The following TIAM2 variants were observed in gnomAD, a reference collection of about 807,000 sequenced individuals.
TIAM2 encodes the protein rho guanine nucleotide exchange factor TIAM2.
In TIAM2, 80 loss-of-function variants were observed where a neutral mutation model predicts 152.9. The observed-to-expected ratio is 0.52, with a 90% CI of 0.44 to 0.63. The LOEUF (loss-of-function observed/expected upper bound fraction) is 0.63. Ranked by LOEUF, TIAM2 falls within the 30% of genes least tolerant of loss-of-function variation. The pLI, the probability that TIAM2 is intolerant of heterozygous loss-of-function variation, is 0.00. For synonymous variants in TIAM2, 804 were observed against 838.0 expected (o/e 0.96, Z 0.70); for missense variants, 1,965 against 2,120.1 (o/e 0.93, Z 1.44).
rs1311798786 is a variant in TIAM2 at position 155,028,898 on chromosome 6, ACTATC to A, written c.-209+33407_-209+33411del. Among the ~76,000 whole-genome samples the A allele has an allele frequency of 1.2e-3, 129 of 108,758 alleles. 27 individuals carry two copies. Among genetic ancestry groups the A allele is most frequent in the African/African-American group, 3.9e-3 (104 of 26,594 alleles). 71.3% of individuals were successfully genotyped at this position (108,758 alleles called of 152,430 possible). A position where few individuals can be genotyped will look rare whatever the true frequency, so the allele number is the denominator to read the frequency against. ...ACTATGTTATATATACACTGTATAT[ACTATC>A]TATACTATGTTATATATACACTGTA... On this transcript the variant is annotated intron_variant, in intron 1 of 26. Transcript: ENST00000682666.
At position 155,252,990 on chromosome 6, in the gene TIAM2, C is replaced by G. The variant is rs185814059; in HGVS notation, c.4162C>G (p.Pro1388Ala). Residue 1388 changes from proline (P) to alanine (A), a missense_variant, in exon 24 of 27, where the codon CCA becomes GCA. Physicochemically the swap from Pro to Ala is conservative, Grantham distance 27. This residue lies in a region of TIAM2 where 935 missense variants were observed against 980.0 expected (regional missense o/e 0.95). Coordinates refer to ENST00000682666, the MANE Select transcript of TIAM2 (RefSeq NM_012454.4). ...RPAHNSTDLD[P>A]FKFRWLIPIS... ...TGCACACAACTCTACTGACTTGGAC[C>G]CATTTAAATTCCGCTGGTTGATCCC... 3.0e-5 allele frequency: 49 copies of G among 1,614,194 alleles called. No individual in the cohort carries two copies. Among genetic ancestry groups the G allele is most frequent in the Non-Finnish European group, 4.0e-5 (47 of 1,180,036 alleles).
chr6:155,240,090 G>A (rs73006791), intron 15 of TIAM2, among the ~76,000 whole-genome samples: 20,808 of 152,238 alleles, frequency 0.14, 1,878 homozygotes, highest in Middle Eastern at 0.29. Flanking sequence ...GAGTCTCTCC[G>A]GGCTGTTCTG....
intron 15 of TIAM2, among the ~76,000 whole-genome samples, chr6:155,229,571 C>T (rs1782376267): frequency 6.6e-6 from 1 of 152,224 alleles, no homozygotes; most frequent in Admixed American, 6.5e-5. Flanking sequence ...ACTCCAGAGC[C>T]TGTGTGCCTA....
intron 1 of TIAM2, among the ~76,000 whole-genome samples, chr6:155,049,393 C>T (rs1777273040): frequency 6.6e-6 from 1 of 152,064 alleles, no homozygotes; most frequent in Admixed American, 6.6e-5. Flanking sequence ...TTTATTGCAG[C>T]CTTAAAATAA....
intron 16 of TIAM2, among the ~76,000 whole-genome samples, chr6:155,242,223 G>C (rs1343087881): frequency 6.6e-6 from 1 of 152,250 alleles, no homozygotes; most frequent in East Asian, 1.9e-4. Context: ...CAGCCTGTGA[G>C]GCATGACTGC....
intron 4 of TIAM2, among the ~76,000 whole-genome samples, chr6:155,136,304 C>T (rs556387573): frequency 9.9e-5 from 15 of 151,574 alleles, no homozygotes; most frequent in East Asian, 3.9e-4. Context: ...GATGGAGTTT[C>T]GCTCTTGTTG....
intron 1 of TIAM2, among the ~76,000 whole-genome samples, chr6:155,038,171 G>A (rs533325183): frequency 8.8e-4 from 134 of 152,306 alleles, no homozygotes; most frequent in African/African-American, 3.1e-3. Flanking sequence ...ATGGTAATAA[G>A]TTTAAGAAAA....
At chr6:155,191,164 C>T (rs1358028785) in intron 14 of TIAM2, among the ~76,000 whole-genome samples, 4 of 152,176 alleles carry the variant, frequency 2.6e-5, no homozygotes, top group African/African-American at 4.8e-5. Context: ...TAAGCTACAT[C>T]GGGCAGTGGT....
At chr6:155,212,053 T>C (rs1238925699) in intron 15 of TIAM2, among the ~76,000 whole-genome samples, 3 of 152,350 alleles carry the variant, frequency 2.0e-5, no homozygotes, top group Admixed American at 1.3e-4. Flanking sequence ...ACTTTCATTC[T>C]TTTTTATGGC....
chr6:155,103,645 AC>A, intron 2 of TIAM2, among the ~76,000 whole-genome samples: 1 of 142,948 alleles, frequency 7.0e-6, no homozygotes, highest in South Asian at 2.2e-4. Flanking sequence ...AATCACTTGA[AC>A]CCAGGAGGCG....
intron 15 of TIAM2, among the ~76,000 whole-genome samples, chr6:155,240,002 C>T (rs1562367277): frequency 6.6e-6 from 1 of 152,238 alleles, no homozygotes; most frequent in African/African-American, 2.4e-5. Context: ...TGGAGCTGAG[C>T]GGTTAGACTG....
rs149097648 is a variant in TIAM2 at position 155,246,246 on chromosome 6, T to C, written c.3652+515T>C. 2.9e-3 allele frequency among the ~76,000 whole-genome samples: 449 copies of C among 152,220 alleles called. 3 individuals carry two copies. Among genetic ancestry groups the C allele is most frequent in the African/African-American group, 1.0e-2 (414 of 41,546 alleles). ...TCTCTGCGTGGGCCTGGAGGGCATC[T>C]GGAGGTTTATCCTGACGCCCTTAGT... On this transcript the variant is annotated intron_variant, in intron 19 of 26. Transcript: ENST00000682666.
At chr6:155,141,334 A>C (rs1315496825) in intron 5 of TIAM2, among the ~76,000 whole-genome samples, 1 of 152,152 alleles carries the variant, frequency 6.6e-6, no homozygotes, top group Non-Finnish European at 1.5e-5. Flanking sequence ...CTTAGAATCC[A>C]AGTTGTAATG....
At chr6:155,132,377 T>TA (rs1779468414) in intron 4 of TIAM2, among the ~76,000 whole-genome samples, 1 of 151,716 alleles carries the variant, frequency 6.6e-6, no homozygotes, top group Admixed American at 6.6e-5. Flanking sequence ...CTGATGTATA[T>TA]AGCGTGTCTG....
chr6:155,061,768 C>T (rs921182188), intron 1 of TIAM2, among the ~76,000 whole-genome samples: 2 of 152,170 alleles, frequency 1.3e-5, no homozygotes, highest in Non-Finnish European at 2.9e-5. Context: ...GCCATGCTGA[C>T]AGTTTGCGTT....
At chr6:155,060,038 A>G (rs569212471) in intron 1 of TIAM2, among the ~76,000 whole-genome samples, 4 of 152,188 alleles carry the variant, frequency 2.6e-5, no homozygotes, top group Non-Finnish European at 4.4e-5. Context: ...TACCTTTATT[A>G]TTCATTAGAC....
intron 15 of TIAM2, among the ~76,000 whole-genome samples, chr6:155,228,994 T>C (rs748503492): frequency 3.3e-5 from 5 of 152,234 alleles, no homozygotes; most frequent in Non-Finnish European, 7.3e-5. Flanking sequence ...GACATGCACA[T>C]GCTCTCTGCC....
chr6:155,129,041 C>A lies in TIAM2; in HGVS notation c.-6-177C>A. 1.7e-6 allele frequency: 1 copy of A among 603,644 alleles called. No homozygotes were observed. Among genetic ancestry groups the A allele is most frequent in the Non-Finnish European group, 2.9e-6 (1 of 343,804 alleles). The allele number at this position is 603,644 out of a possible 1,614,324, so 37.4% of individuals were successfully genotyped here. A position where few individuals can be genotyped will look rare whatever the true frequency, so the allele number is the denominator to read the frequency against. On this transcript the variant is annotated intron_variant, in intron 3 of 26. Transcript: ENST00000682666. The surrounding 1 kb of genome is among the most constrained non-coding windows in gnomAD (Gnocchi z 4.8). Reference sequence around the variant, plus strand: ...CAGTGTTGTCTGTCTAGCTAATGAGCAGCCTTGCAAAATAAGGAGAGCCTG... The same window carrying A: ...CAGTGTTGTCTGTCTAGCTAATGAGAAGCCTTGCAAAATAAGGAGAGCCTG...
intron 14 of TIAM2, among the ~76,000 whole-genome samples, chr6:155,187,572 C>CCTTTT (rs1781072427): frequency 1.5e-5 from 1 of 66,132 alleles, no homozygotes; most frequent in Non-Finnish European, 3.1e-5. Flanking sequence ...CACCCCGCCC[C>CCTTTT]CTTTTTTTTT....
Sources: gnomAD v4.1 joint callset for allele counts (sites outside exome capture counted in the v4.1 genomes callset) on GRCh38, gnomAD v4.1.1 for gene constraint, gnomAD v4.1.1 regional missense constraint, Gnocchi (gnomAD v3.1) non-coding constraint, MANE v1.5 for transcripts, NCBI Gene and HGNC (gene_info 2026-07-23, HGNC 2026-07-21) for gene names.